Variants in B2M observed in about 807,000 individuals in gnomAD.
B2M encodes the protein beta chain of MHC class I molecules.
A neutral mutation model predicts 14.5 loss-of-function variants in B2M; 3 were observed. The ratio of observed to expected loss-of-function variants is 0.21; its 90% CI spans 0.09 to 0.53. B2M has a LOEUF of 0.53. B2M is among the 20% of genes least tolerant of loss of function. B2M has a pLI of 0.95. For synonymous variants in B2M, 45 were observed against 52.7 expected (o/e 0.85, Z 0.64); for missense variants, 107 against 140.8 (o/e 0.76, Z 1.21).
Position 44,715,418 on chromosome 15 carries a change from C to T in B2M, c.68-5C>T. 3 of 1,613,268 alleles carry T rather than the reference C, an allele frequency of 1.9e-6. No individual in the cohort carries two copies. The highest frequency in any genetic ancestry group is 2.5e-6 in the Non-Finnish European group (3 of 1,179,880). On this transcript the variant is annotated splice_polypyrimidine_tract_variant and splice_region_variant and intron_variant, in intron 1 of 3. Transcript: ENST00000648006. The stretch of plus-strand genomic sequence containing the variant: ...ATTAATGTGTCTTTTCCCGATATTC[C>T]TCAGGTACTCCAAAGATTCAGGTTT...
chr15:44,711,662 A>C (rs558689384), intron 1 of B2M, 49 bp downstream of exon 1: 1 of 1,576,336 alleles, frequency 6.3e-7, no homozygotes, highest in Non-Finnish European at 8.7e-7. Flanking sequence ...CCCGCTCTGC[A>C]CCCTCTGTGG....
intron 1 of B2M, chr15:44,713,524 A>C (rs1009251759): frequency 1.3e-5 from 2 of 152,152 alleles, no homozygotes; most frequent in African/African-American, 4.8e-5. Context: ...TTTTCAGTTA[A>C]GTTTTGGAAG....
At chr15:44,717,006 C>T (rs2086949348) in intron 3 of B2M, 1 of 152,280 alleles carries the variant, frequency 6.6e-6, no homozygotes, top group Admixed American at 6.5e-5. Context: ...GATGCTGAAA[C>T]CCCATTCAAA....
Position 44,716,344 on chromosome 15 carries a change from C to A in B2M, c.*2C>A. 2 of 1,612,550 alleles carry A rather than the reference C, an allele frequency of 1.2e-6. No homozygotes were observed. The highest frequency in any genetic ancestry group is 2.2e-5 in the South Asian group (2 of 91,046). ...TTTTTCATAGATCGAGACATGTAAG[C>A]AGCATCATGGAGGTAAGTTTTTGAC... On this transcript the variant is annotated 3_prime_UTR_variant, in exon 3 of 4. Coordinates refer to ENST00000648006, the MANE Select transcript of B2M (RefSeq NM_004048.4).
chr15:44,714,820 A>G (rs1270738877), intron 1 of B2M: 1 of 162,778 alleles, frequency 6.1e-6, no homozygotes, highest in Non-Finnish European at 1.3e-5. Context: ...TCTGCCACGT[A>G]TAGAGCAATT....
At chr15:44,711,734 G>T (rs917557720) in intron 1 of B2M, 121 bp downstream of exon 1, 22 of 1,267,394 alleles carry the variant, frequency 1.7e-5, no homozygotes, top group Non-Finnish European at 2.5e-5. Flanking sequence ...GTGGCCCGCC[G>T]TGGGGCTAGT....
intron 1 of B2M, chr15:44,711,840 G>C (rs1202177797): frequency 1.9e-5 from 13 of 670,124 alleles, no homozygotes; most frequent in Non-Finnish European, 3.2e-5. Context: ...TCGGCGGGGA[G>C]CAGGGGAGAC....
rs1329285364 is a variant in B2M at position 44,711,589 on chromosome 15, C to T, written c.43C>T (p.Leu15Phe). 6.2e-7 allele frequency: 1 copy of T among 1,613,790 alleles called. No homozygotes were observed. The highest frequency in any genetic ancestry group is 1.3e-5 in the African/African-American group (1 of 74,912). ...CTTAGCTGTGCTCGCGCTACTCTCTCTTTCTGGCCTGGAGGCTATCCAGCG... is the reference window on the plus strand; with the variant it reads ...CTTAGCTGTGCTCGCGCTACTCTCTTTTTCTGGCCTGGAGGCTATCCAGCG... ...VALAVLALLS[L>F]SGLEAIQRTP... Residue 15 changes from leucine (L) to phenylalanine (F), a missense_variant, in exon 1 of 4, where the codon CTT becomes TTT. By Grantham distance (22) the Leu-to-Phe change is conservative (BLOSUM62 0). Coordinates refer to ENST00000648006, the MANE Select transcript of B2M (RefSeq NM_004048.4).
In B2M at chr15:44,715,440, G is replaced by T. The variant is rs1304731273; in HGVS notation, c.85G>T (p.Val29Phe). Residue 29 changes from valine (V) to phenylalanine (F), a missense_variant, in exon 2 of 4, where the codon GTT (valine) becomes TTT (phenylalanine). Physicochemically the swap from Val to Phe is conservative, Grantham distance 50. Coordinates refer to ENST00000648006, the MANE Select transcript of B2M (RefSeq NM_004048.4). The stretch of plus-strand genomic sequence containing the variant: ...TTCCTCAGGTACTCCAAAGATTCAG[G>T]TTTACTCACGTCATCCAGCAGAGAA... ...EAIQRTPKIQ[V>F]YSRHPAENGK... 1.2e-6 allele frequency: 2 copies of T among 1,613,900 alleles called. No individual in the cohort carries two copies. The highest frequency in any genetic ancestry group is 3.3e-5 in the Admixed American group (2 of 60,020).
At chr15:44,715,123 C>T in intron 1 of B2M, 1 of 465,576 alleles carries the variant, frequency 2.1e-6, no homozygotes, top group South Asian at 2.1e-5. Flanking sequence ...CAGAGAAAGG[C>T]TCTTAAAAAT....
At chr15:44,712,482 A>G (rs944198309) in intron 1 of B2M, among the ~76,000 whole-genome samples, 1 of 152,200 alleles carries the variant, frequency 6.6e-6, no homozygotes, top group African/African-American at 2.4e-5. Flanking sequence ...AATGGCAGCA[A>G]TCGAGATTGA....
rs149038447 is a variant in B2M, at chr15:44,715,737, T to G, written c.346+36T>G. The G allele has an allele frequency of 1.4e-3, 2,186 of 1,612,224 alleles. 3 individuals carry two copies. Among genetic ancestry groups the G allele is most frequent in the Non-Finnish European group, 1.7e-3 (2,019 of 1,178,724 alleles). ...CATTCTTTTGTAAGCTGCTGAAAGT[T>G]GTGTATGAGTAGTCATATCATAAAG... On this transcript the variant is annotated intron_variant, in intron 2 of 3. Transcript: ENST00000648006.
rs555621791 is a variant in B2M at position 44,717,711 on chromosome 15, T to C, written c.*119T>C. 1.3e-5 allele frequency: 2 copies of C among 152,344 alleles called. No homozygotes were observed. Among genetic ancestry groups the C allele is most frequent in the South Asian group, 2.1e-4 (1 of 4,822 alleles). 9.4% of individuals were successfully genotyped at this position (152,344 alleles called of 1,614,324 possible). A position where few individuals can be genotyped will look rare whatever the true frequency, so the allele number is the denominator to read the frequency against. ...TACACTTTATGCACAAAATGTAGGG[T>C]TATAATAATGTTAACATGGACATGA... On this transcript the variant is annotated 3_prime_UTR_variant, in exon 4 of 4. Transcript: ENST00000648006.
chr15:44,712,190 G>C (rs1273810935), intron 1 of B2M, among the ~76,000 whole-genome samples: 1 of 152,220 alleles, frequency 6.6e-6, no homozygotes, highest in African/African-American at 2.4e-5. Context: ...CACACCGTGG[G>C]GAGGAAACAG....
intron 3 of B2M, 126 bp from the exon 4 acceptor site, chr15:44,717,481 G>A (rs900677123): frequency 2.0e-5 from 3 of 152,132 alleles, no homozygotes; most frequent in Admixed American, 6.5e-5. Context: ...AATGGGTTTG[G>A]AGAACTGTCT....
At chr15:44,716,105 C>T (rs1307348616) in intron 2 of B2M, 3 of 620,836 alleles carry the variant, frequency 4.8e-6, no homozygotes, top group East Asian at 2.7e-5. Flanking sequence ...TCCTAGCATC[C>T]TATAATCCTG....
chr15:44,714,445 G>A (rs2086919308), intron 1 of B2M: 1 of 151,888 alleles, frequency 6.6e-6, no homozygotes, highest in East Asian at 1.9e-4. Flanking sequence ...AAGAGGTTTT[G>A]TTGTTTGGTA....
intron 1 of B2M, among the ~76,000 whole-genome samples, chr15:44,712,262 T>C (rs1194892965): frequency 6.6e-6 from 1 of 152,246 alleles, no homozygotes; most frequent in Non-Finnish European, 1.5e-5. Context: ...TTAACTTATT[T>C]GTTCCCATCA....
chr15:44,717,935 A>G lies in B2M; in HGVS notation c.*343A>G, dbSNP rs147243617. On this transcript the variant is annotated 3_prime_UTR_variant, in exon 4 of 4. Transcript: ENST00000648006. ...CTTGTTAAGATAGTTAAGCGTGCAT[A>G]AGTTAACTTCCAATTTACATACTCT... is the stretch of plus-strand genomic sequence containing the variant. 40 of 152,334 alleles carry G rather than the reference A, an allele frequency of 2.6e-4. No individual in the cohort carries two copies. Among genetic ancestry groups the G allele is most frequent in the African/African-American group, 9.6e-4 (40 of 41,580 alleles). The allele number at this position is 152,334 out of a possible 1,614,324, so 9.4% of individuals were successfully genotyped here. A position where few individuals can be genotyped will look rare whatever the true frequency, so the allele number is the denominator to read the frequency against.
Sources: allele counts gnomAD v4.1 joint callset (sites outside exome capture counted in the v4.1 genomes callset), GRCh38; gene constraint gnomAD v4.1.1; transcripts MANE v1.5; gene names NCBI Gene and HGNC (gene_info 2026-07-23, HGNC 2026-07-21).